The following DOT1L variants were observed in gnomAD, a reference collection of about 807,000 sequenced individuals.
DOT1L encodes DOT1 like histone lysine methyltransferase, also known as histone-lysine N-methyltransferase, H3 lysine-79 specific.
Under a neutral mutation model 153.3 loss-of-function variants are expected in DOT1L, and 33 were observed. The ratio of observed to expected loss-of-function variants is 0.22; its 90% confidence interval spans 0.16 to 0.29. The LOEUF is 0.29. Among genes scored for constraint, DOT1L ranks in the 10% least tolerant of loss-of-function variants. The pLI is 1.00. For synonymous variants in DOT1L, 1,135 were observed against 965.1 expected (o/e 1.18, Z -3.26); for missense variants, 1,847 against 2,119.9 (o/e 0.87, Z 2.53).
At chr19:2,227,701 G>C in intron 27 of DOT1L, 1 of 1,297,950 alleles carries the variant, frequency 7.7e-7, no homozygotes. Flanking sequence ...GGATGCTGCC[G>C]CTTGTTGAAG....
rs1303748795 is a variant in DOT1L, at chr19:2,191,196, A to G, written c.449A>G (p.Glu150Gly). 1 of 1,613,578 alleles carries G rather than the reference A, an allele frequency of 6.2e-7. No individual in the cohort carries two copies. Among genetic ancestry groups the G allele is most frequent in the Non-Finnish European group, 8.5e-7 (1 of 1,179,982 alleles). Reference sequence around the variant, plus strand: ...GACCTGGTGGCCCAGATGATTGATGAGATCAAGATGACCGACGACGACCTG... The same window carrying G: ...GACCTGGTGGCCCAGATGATTGATGGGATCAAGATGACCGACGACGACCTG... ...SFDLVAQMIDEIKMTDDDLFV... is the reference protein window; with the variant it reads ...SFDLVAQMIDGIKMTDDDLFV... The change falls in exon 5 of 28, where the codon GAG becomes GGG. Residue 150 changes from glutamate (E) to glycine (G), a missense_variant. Transcript: ENST00000398665. The surrounding 1 kb of genome is among the most constrained non-coding windows in gnomAD (Gnocchi z 6.8).
chr19:2,210,902 G>A (rs2023686098), intron 14 of DOT1L, 47 bp downstream of exon 14: 1 of 1,594,984 alleles, frequency 6.3e-7, no homozygotes, highest in Admixed American at 1.7e-5. Context: ...GAGTGCGGAT[G>A]CCTGGGGTCC....
chr19:2,174,425 A>C (rs1306328240), intron 1 of DOT1L, among the ~76,000 whole-genome samples: 1 of 152,134 alleles, frequency 6.6e-6, no homozygotes, highest in African/African-American at 2.4e-5. Flanking sequence ...AGTGGCTCAC[A>C]TCTGTAATCC....
Position 2,210,743 on chromosome 19 carries a change from C to T in DOT1L, c.1239C>T (p.Arg413=). 1 of 1,613,170 alleles carries T rather than the reference C, an allele frequency of 6.2e-7. No individual in the cohort carries two copies. The highest frequency in any genetic ancestry group is 8.5e-7 in the Non-Finnish European group (1 of 1,180,010). ...AGATGGCTGGCCGCAAGCGCGGGCGCCCCAAGAAGATGAACACTGCGAACC... is the reference window on the plus strand; with the variant it reads ...AGATGGCTGGCCGCAAGCGCGGGCGTCCCAAGAAGATGAACACTGCGAACC... ...GRKMAGRKRG[R]PKKMNTANPE... Residue 413 remains arginine (R), a synonymous_variant, in exon 14 of 28, where the codon CGC becomes CGT. Coordinates refer to ENST00000398665, the MANE Select transcript of DOT1L (RefSeq NM_032482.3).
intron 22 of DOT1L, 105 bp downstream of exon 22, chr19:2,218,023 C>T (rs530574443): frequency 2.7e-5 from 40 of 1,465,892 alleles, no homozygotes; most frequent in East Asian, 2.2e-4. Context: ...TGTAAAATGT[C>T]GAGCGTGAGG....
At position 2,191,311 on chromosome 19, in the gene DOT1L, G is replaced by C; in HGVS notation, c.493+71G>C. ...CACGCTCTGTGCCTGCCCCATGCCT[G>C]CTTGGAGAAGAGTTTATCAGGGACT... On this transcript the variant is annotated intron_variant, in intron 5 of 27. Transcript: ENST00000398665. This position sits in a 1 kb window ranked among gnomAD's most constrained non-coding sequence, Gnocchi z 6.8. The C allele has an allele frequency of 6.7e-7, 1 of 1,484,146 alleles. No individual in the cohort carries two copies. The highest frequency in any genetic ancestry group is 9.4e-7 in the Non-Finnish European group (1 of 1,068,994). 91.9% of individuals were successfully genotyped at this position (1,484,146 alleles called of 1,614,324 possible).
intron 1 of DOT1L, among the ~76,000 whole-genome samples, chr19:2,174,427 C>T (rs992939437): frequency 1.3e-5 from 2 of 152,158 alleles, no homozygotes; most frequent in Non-Finnish European, 2.9e-5. Flanking sequence ...TGGCTCACAT[C>T]TGTAATCCCA....
intron 1 of DOT1L, 66 bp from the exon 2 acceptor site, chr19:2,180,647 G>T: frequency 6.3e-7 from 1 of 1,591,836 alleles, no homozygotes; most frequent in South Asian, 1.1e-5. Context: ...GCTTGTCCGG[G>T]AAGAGAGCGA....
chr19:2,225,776 C>A (rs559197521), intron 26 of DOT1L, among the ~76,000 whole-genome samples: 1 of 152,280 alleles, frequency 6.6e-6, no homozygotes, highest in African/African-American at 2.4e-5. Flanking sequence ...CCTGGCCTTC[C>A]CCCCGAGTGG....
chr19:2,170,804 A>T (rs1451861129), intron 1 of DOT1L, among the ~76,000 whole-genome samples: 1 of 152,074 alleles, frequency 6.6e-6, no homozygotes, highest in African/African-American at 2.4e-5. Flanking sequence ...ATGCCCATGA[A>T]TACTGAGAAA....
chr19:2,164,249 G>T lies in DOT1L; in HGVS notation c.65G>T (p.Trp22Leu). 1.6e-6 allele frequency: 2 copies of T among 1,282,764 alleles called. No homozygotes were observed. The highest frequency in any genetic ancestry group is 2.0e-6 in the Non-Finnish European group (2 of 1,012,106). The allele number at this position is 1,282,764 out of a possible 1,614,324, so 79.5% of individuals were successfully genotyped here. A position where few individuals can be genotyped will look rare whatever the true frequency, so the allele number is the denominator to read the frequency against. Residue 22 changes from tryptophan to leucine, a missense_variant, in exon 1 of 28, where the codon TGG (tryptophan) becomes TTG (leucine). Transcript: ENST00000398665. ...GGGGCTGAGCCCGCCGTCTACCCGT[G>T]GCCGCTGCCGGTCTACGTGAGTGCC... is the stretch of plus-strand genomic sequence containing the variant. ...PVGAEPAVYP[W>L]PLPVYDKHHD...
At chr19:2,218,044 A>C in intron 22 of DOT1L, 126 bp downstream of exon 22, 1 of 1,376,668 alleles carries the variant, frequency 7.3e-7, no homozygotes, top group Non-Finnish European at 9.7e-7. Context: ...CAATGCAGTC[A>C]AGGTGGGCTG....
rs2019858882 is a variant in DOT1L at position 2,165,112 on chromosome 19, G to T, written c.81+847G>T. On this transcript the variant is annotated intron_variant, in intron 1 of 27. Transcript: ENST00000398665. ...GAGTCCCGGCGTGGCCCCTGAGGAG[G>T]CGGGGCGCGTGCGTCCGCGCTTGGG... is the stretch of plus-strand genomic sequence containing the variant. Among the ~76,000 whole-genome samples the T allele has an allele frequency of 2.6e-5, 4 of 152,232 alleles. No homozygotes were observed. The South Asian group carries it at 8.3e-4, about 31-fold the overall frequency.
rs1277215738 is a variant in DOT1L, at chr19:2,213,925, G to T, written c.1736G>T (p.Arg579Leu). The change falls in exon 18 of 28, where the codon CGG becomes CTG. Residue 579 changes from arginine to leucine, a missense_variant. Arg to Leu is a moderately radical substitution (Grantham distance 102). This residue lies in a region of DOT1L where 156 missense variants were observed against 235.7 expected (regional missense o/e 0.66). Transcript: ENST00000398665. Reference sequence around the variant, plus strand: ...ATCTCCGCCCATAACCAGCAGCTGCGGGAGCAGTCGGAGCAGCTGGAGCAG... The same window carrying T: ...ATCTCCGCCCATAACCAGCAGCTGCTGGAGCAGTCGGAGCAGCTGGAGCAG... ...KEISAHNQQL[R>L]EQSEQLEQDN... 6.2e-7 allele frequency: 1 copy of T among 1,613,066 alleles called. No individual in the cohort carries two copies. Among genetic ancestry groups the T allele is most frequent in the South Asian group, 1.1e-5 (1 of 91,088 alleles).
At chr19:2,169,343 A>G (rs938926768) in intron 1 of DOT1L, among the ~76,000 whole-genome samples, 1 of 152,204 alleles carries the variant, frequency 6.6e-6, no homozygotes, top group African/African-American at 2.4e-5. Flanking sequence ...CGCTTTAAAT[A>G]GGAAGGAATA....
intron 1 of DOT1L, among the ~76,000 whole-genome samples, chr19:2,175,457 C>T (rs550068644): frequency 1.9e-4 from 29 of 152,308 alleles, no homozygotes; most frequent in Admixed American, 1.6e-3. Flanking sequence ...TGGGCCACTG[C>T]ATCTGGCCAA....
chr19:2,206,479 A>G (rs2144809847), intron 9 of DOT1L, among the ~76,000 whole-genome samples: 1 of 149,594 alleles, frequency 6.7e-6, no homozygotes. Context: ...AACCGCTTGA[A>G]CCAGGGAGGT....
Position 2,226,753 on chromosome 19 carries a change from C to T in DOT1L, c.4232C>T (p.Ala1411Val), listed in dbSNP as rs777840151. Residue 1411 changes from alanine to valine, a missense_variant, in exon 27 of 28, where the codon GCC (alanine) becomes GTC (valine). By Grantham distance (64) the Ala-to-Val change is moderately conservative. Around this residue, in one of 8 missense-constraint regions of DOT1L, gnomAD observed 934 missense variants for 825.3 expected, o/e 1.13. Coordinates refer to ENST00000398665, the MANE Select transcript of DOT1L (RefSeq NM_032482.3). ...DKTPLLSGKA[A>V]KARDREVDLK... ...ACCCCACTGCTGAGCGGCAAGGCCG[C>T]CAAGGCCCGGGACCGCGAGGTCGAC... 7 of 1,559,088 alleles carry T rather than the reference C, an allele frequency of 4.5e-6. No homozygotes were observed. The South Asian group carries it at 7.2e-5, about 16-fold the overall frequency.
chr19:2,219,087 G>C (rs2024017967), intron 22 of DOT1L, among the ~76,000 whole-genome samples: 1 of 152,188 alleles, frequency 6.6e-6, no homozygotes, highest in South Asian at 2.1e-4. Context: ...GGCCGAGCTG[G>C]TCTCAAACTC....
Sources: gnomAD v4.1 joint callset for allele counts (sites outside exome capture counted in the v4.1 genomes callset) on GRCh38, gnomAD v4.1.1 for gene constraint, gnomAD v4.1.1 regional missense constraint, Gnocchi (gnomAD v3.1) non-coding constraint, MANE v1.5 for transcripts, NCBI Gene and HGNC (gene_info 2026-07-23, HGNC 2026-07-21) for gene names.